Variants in HIVEP3 observed in about 807,000 individuals in gnomAD.
HIVEP3 encodes transcription factor HIVEP3.
In HIVEP3, 49 loss-of-function variants were observed where a neutral mutation model predicts 152.8. The ratio of observed to expected loss-of-function variants is 0.32; its 90% CI spans 0.26 to 0.41. The LOEUF is 0.41. Ranked by LOEUF, HIVEP3 falls within the 10% of genes least tolerant of loss-of-function variation. The pLI, the probability that HIVEP3 is intolerant of heterozygous loss-of-function variation, is 1.00. For missense variants in HIVEP3, 2,790 were observed against 3,103.3 expected (o/e 0.90, Z 2.40); for synonymous variants, 1,269 against 1,289.0 (o/e 0.98, Z 0.33).
chr1:41,631,326 T>A (rs768926529), intron 2 of HIVEP3, among the ~76,000 whole-genome samples: 2 of 152,118 alleles, frequency 1.3e-5, no homozygotes, highest in Non-Finnish European at 2.9e-5. Context: ...GGGCTAAGAA[T>A]GGTGAGTGCC....
In HIVEP3 at chr1:41,583,672, C is replaced by G. The variant is rs375542596; in HGVS notation, c.1126G>C (p.Asp376His). 10 of 1,613,988 alleles carry G rather than the reference C, an allele frequency of 6.2e-6. No homozygotes were observed. In the Admixed American group the frequency reaches 8.3e-5, roughly 13 times the overall value. Residue 376 changes from aspartate (D) to histidine (H), a missense_variant, in exon 4 of 9, where the codon GAT (aspartate) becomes CAT (histidine). Asp to His is a moderately conservative substitution (Grantham distance 81). Coordinates refer to ENST00000372583, the MANE Select transcript of HIVEP3 (RefSeq NM_024503.5). The surrounding 1 kb of genome is among the most constrained non-coding windows in gnomAD (Gnocchi z 6.9). ...CCTGGGCTCAGAAACGCCTGCTCAT[C>G]GATCACCTTCTTCCTCTCGCTTAAG... ...LRLSERKKVI[D>H]EQAFLSPGSK... is the part of the protein sequence containing the mutation.
intron 5 of HIVEP3, among the ~76,000 whole-genome samples, chr1:41,564,192 A>AAAC (rs150283157): frequency 2.1e-4 from 32 of 151,960 alleles, no homozygotes; most frequent in African/African-American, 3.6e-4. Flanking sequence ...ACTCCATCTC[A>AAAC]AACAACAACA....
At chr1:41,622,369 C>T (rs1290680821) in intron 3 of HIVEP3, among the ~76,000 whole-genome samples, 1 of 151,982 alleles carries the variant, frequency 6.6e-6, no homozygotes, top group Non-Finnish European at 1.5e-5. Context: ...TAAAGTGTGA[C>T]ATGTTCTGCA....
chr1:41,880,949 C>A (rs783631), intron 1 of HIVEP3, among the ~76,000 whole-genome samples: 119,432 of 152,180 alleles, frequency 0.78, 47,232 homozygotes, highest in East Asian at 1. Context: ...GGCCAGTTAA[C>A]TATGTCTAGT....
rs560366692 is a variant in HIVEP3 at position 42,019,837 on chromosome 1, G to T, written n.119+15970C>A. On this transcript the variant is annotated intron_variant and non_coding_transcript_variant, in intron 1 of 3. Transcript: ENST00000489103. The stretch of plus-strand genomic sequence containing the variant: ...CTTTCAACATTTCACCATCAAGAAT[G>T]ATGTTTAAGATATTTTTAGGCACTC... Among the ~76,000 whole-genome samples, 8 of 152,078 alleles carry T rather than the reference G, an allele frequency of 5.3e-5. No homozygotes were observed. The East Asian group carries it at 1.2e-3, about 22-fold the overall frequency.
intron 1 of HIVEP3, among the ~76,000 whole-genome samples, chr1:41,900,954 T>C (rs1326166494): frequency 6.6e-6 from 1 of 152,008 alleles, no homozygotes; most frequent in African/African-American, 2.4e-5. Context: ...CATGCAAACA[T>C]TCTGGAAGGG....
At chr1:41,540,016 C>T (rs1346024494) in intron 5 of HIVEP3, among the ~76,000 whole-genome samples, 1 of 152,164 alleles carries the variant, frequency 6.6e-6, no homozygotes, top group East Asian at 1.9e-4. Context: ...CCTCAGTGCC[C>T]GGCTCTAAAA....
At chr1:41,940,757 G>A (rs1645041368) in intron 1 of HIVEP3, among the ~76,000 whole-genome samples, 1 of 151,962 alleles carries the variant, frequency 6.6e-6, no homozygotes. Flanking sequence ...AAGGAGAGAA[G>A]ATTTGAGAAG....
chr1:41,927,639 T>G (rs1038291956), intron 1 of HIVEP3, among the ~76,000 whole-genome samples: 1 of 152,134 alleles, frequency 6.6e-6, no homozygotes, highest in Non-Finnish European at 1.5e-5. Flanking sequence ...GCTGTGTAGC[T>G]AAAAACAATT....
rs1220188762 is a variant in HIVEP3 at position 41,545,418 on chromosome 1, G to A, written c.5208-20508C>T. On this transcript the variant is annotated intron_variant, in intron 5 of 8. Transcript: ENST00000372583. The stretch of plus-strand genomic sequence containing the variant: ...TACCACTACCACCAATACCACCATC[G>A]CTACAATCACCACCACCACCACCTC... Among the ~76,000 whole-genome samples, 22 of 25,402 alleles carry A rather than the reference G, an allele frequency of 8.7e-4. 1 individual carries two copies. Among genetic ancestry groups the A allele is most frequent in the African/African-American group, 2.4e-3 (17 of 7,104 alleles). The allele number at this position is 25,402 out of a possible 152,430, so 16.7% of individuals were successfully genotyped here.
chr1:41,950,361 CT>C (rs1449865206), intron 1 of HIVEP3, among the ~76,000 whole-genome samples: 1 of 152,158 alleles, frequency 6.6e-6, no homozygotes, highest in Admixed American at 6.5e-5. Context: ...CCATGCTCTC[CT>C]CCCCCACCAG....
intron 1 of HIVEP3, among the ~76,000 whole-genome samples, chr1:42,012,412 A>G (rs1570891172): frequency 7.7e-6 from 1 of 129,502 alleles, no homozygotes; most frequent in South Asian, 3.1e-4. Flanking sequence ...GGTCCCCATG[A>G]TGGGGCTGGA....
intron 1 of HIVEP3, among the ~76,000 whole-genome samples, chr1:41,727,593 G>C (rs1326629931): frequency 1.3e-5 from 2 of 152,266 alleles, no homozygotes; most frequent in Non-Finnish European, 2.9e-5. Context: ...TGGCTGAGGG[G>C]CGCGGCGCCG....
rs1479208416 is a variant in HIVEP3 at position 41,580,407 on chromosome 1, A to G, written c.4391T>C (p.Leu1464Pro). Residue 1464 changes from leucine to proline, a missense_variant, in exon 4 of 9, where the codon CTG (leucine) becomes CCG (proline). This residue lies in a region of HIVEP3 where 1,078 missense variants were observed against 1,165.3 expected (regional missense o/e 0.93). Transcript: ENST00000372583. The part of the protein sequence containing the change: ...EASKADEKLE[L>P]VKPCSVVLTS... Reference sequence around the variant, plus strand: ...AAGGACCACACTGCATGGTTTTACCAGCTCAAGTTTTTCATCTGCCTTGGA... The same window carrying G: ...AAGGACCACACTGCATGGTTTTACCGGCTCAAGTTTTTCATCTGCCTTGGA... The G allele has an allele frequency of 6.2e-7, 1 of 1,614,154 alleles. No homozygotes were observed. Among genetic ancestry groups the G allele is most frequent in the Non-Finnish European group, 8.5e-7 (1 of 1,180,022 alleles).
rs1645153422 is a variant in HIVEP3 at position 41,628,817 on chromosome 1, G to T, written c.-590C>A. On this transcript the variant is annotated 5_prime_UTR_variant, in exon 3 of 9. Transcript: ENST00000372583. Reference sequence around the variant, plus strand: ...GTTCTCTCTGAAAGCCAGCATTCATGTCCACTCCTACGGCAGCCACCCTCC... The same window carrying T: ...GTTCTCTCTGAAAGCCAGCATTCATTTCCACTCCTACGGCAGCCACCCTCC... 15 of 1,232,152 alleles carry T rather than the reference G, an allele frequency of 1.2e-5. No homozygotes were observed. The highest frequency in any genetic ancestry group is 1.5e-5 in the Non-Finnish European group (15 of 987,992). 76.3% of individuals were successfully genotyped at this position (1,232,152 alleles called of 1,614,324 possible).
intron 2 of HIVEP3, among the ~76,000 whole-genome samples, chr1:41,690,001 C>A (rs775068598): frequency 6.6e-6 from 1 of 152,258 alleles, no homozygotes; most frequent in African/African-American, 2.4e-5. Flanking sequence ...TTGCCACAAT[C>A]CCGTGTGCCT....
chr1:41,624,382 C>G (rs1645087387), intron 3 of HIVEP3, among the ~76,000 whole-genome samples: 1 of 152,222 alleles, frequency 6.6e-6, no homozygotes, highest in Admixed American at 6.5e-5. Context: ...TACACACATT[C>G]AAACATGCTC....
chr1:41,789,377 G>A (rs984179111), intron 1 of HIVEP3, among the ~76,000 whole-genome samples: 4 of 152,308 alleles, frequency 2.6e-5, no homozygotes, highest in Admixed American at 2.0e-4. Context: ...ATGCGTACAA[G>A]GCATGAGTTC....
chr1:42,021,543 G>A (rs1319756292), intron 1 of HIVEP3, among the ~76,000 whole-genome samples: 2 of 152,110 alleles, frequency 1.3e-5, no homozygotes, highest in African/African-American at 4.8e-5. Flanking sequence ...ACACTCAAGT[G>A]GAGAATCTTG....
Sources: allele counts gnomAD v4.1 joint callset (sites outside exome capture counted in the v4.1 genomes callset), GRCh38; gene constraint gnomAD v4.1.1; regional missense constraint gnomAD v4.1.1; non-coding constraint Gnocchi (gnomAD v3.1); transcripts MANE v1.5; gene names NCBI Gene and HGNC (gene_info 2026-07-23, HGNC 2026-07-21).